YLPM1: variants seen among roughly 807,000 people sequenced by gnomAD.
YLPM1 encodes YLP motif containing 1.
A neutral mutation model predicts 230.0 loss-of-function variants in YLPM1; 99 were observed. The observed-to-expected ratio is 0.43, with a 90% CI of 0.37 to 0.51. The LOEUF is 0.51. Ranked by LOEUF, YLPM1 falls within the 20% of genes least tolerant of loss-of-function variation. YLPM1 has a pLI of 0.00. For synonymous variants in YLPM1, 984 were observed against 942.5 expected (o/e 1.04, Z -0.81); for missense variants, 2,592 against 2,707.7 (o/e 0.96, Z 0.95).
At chr14:74,786,541 A>G (rs941165662) in intron 4 of YLPM1, among the ~76,000 whole-genome samples, 19 of 152,198 alleles carry the variant, frequency 1.2e-4, no homozygotes, top group African/African-American at 3.9e-4. Flanking sequence ...TGAGTGAAAT[A>G]ATACTGTATG....
intron 5 of YLPM1, among the ~76,000 whole-genome samples, chr14:74,801,237 C>T (rs751026459): frequency 3.3e-5 from 5 of 151,942 alleles, no homozygotes; most frequent in African/African-American, 1.2e-4. Flanking sequence ...ATGTCATAGC[C>T]GAATACAAGT....
chr14:74,781,398 A>T lies in YLPM1; in HGVS notation c.1355A>T (p.Tyr452Phe), dbSNP rs138920894. The T allele has an allele frequency of 2.0e-3, 3,138 of 1,596,498 alleles. 65 individuals are homozygous for T. The African/African-American group carries it at 0.037, about 19-fold the overall frequency. ...EMQQQQFQHL[Y>F]QEWEREFQLW... Reference sequence around the variant, plus strand: ...CAGCAGCAACAGTTTCAACATCTTTACCAAGAATGGGAGCGAGAGTTTCAG... The same window carrying T: ...CAGCAGCAACAGTTTCAACATCTTTTCCAAGAATGGGAGCGAGAGTTTCAG... The change falls in exon 4 of 21, where the codon TAC becomes TTC. Residue 452 changes from tyrosine to phenylalanine, a missense_variant. Physicochemically the swap from Tyr to Phe is conservative, Grantham distance 22. This residue lies in a region of YLPM1 where 1,862 missense variants were observed against 1,819.8 expected (regional missense o/e 1.02). Coordinates refer to ENST00000325680, the MANE Select transcript of YLPM1 (RefSeq NM_019589.3).
intron 6 of YLPM1, among the ~76,000 whole-genome samples, chr14:74,807,250 G>A (rs955348196): frequency 1.6e-4 from 24 of 151,916 alleles, no homozygotes; most frequent in Admixed American, 5.2e-4. Context: ...CTAAAATAGC[G>A]TCAATAAAGA....
intron 4 of YLPM1, among the ~76,000 whole-genome samples, chr14:74,789,088 C>T (rs1008682361): frequency 1.3e-5 from 2 of 152,134 alleles, no homozygotes; most frequent in African/African-American, 4.8e-5. Flanking sequence ...GAGTTTGTTT[C>T]TGGACTCTCC....
intron 4 of YLPM1, among the ~76,000 whole-genome samples, chr14:74,783,178 C>T (rs1048864520): frequency 3.9e-5 from 6 of 152,152 alleles, no homozygotes; most frequent in Admixed American, 6.5e-5. Flanking sequence ...AGTCCTCCCA[C>T]CTCAGCCTCC....
intron 1 of YLPM1, among the ~76,000 whole-genome samples, chr14:74,772,362 T>A (rs1367605183): frequency 2.0e-5 from 3 of 150,698 alleles, no homozygotes; most frequent in Middle Eastern, 6.9e-3. Flanking sequence ...ATTCTTAATT[T>A]TTTTTTTTTT....
chr14:74,807,453 GAGA>G (rs2091391135), intron 6 of YLPM1, among the ~76,000 whole-genome samples: 1 of 152,112 alleles, frequency 6.6e-6, no homozygotes, highest in Non-Finnish European at 1.5e-5. Flanking sequence ...AGGCTGAAGC[GAGA>G]AGATTACTTG....
At chr14:74,816,754 G>T in intron 13 of YLPM1, 64 bp downstream of exon 13, 1 of 1,527,198 alleles carries the variant, frequency 6.5e-7, no homozygotes, top group South Asian at 1.3e-5. Flanking sequence ...AATGTGTTTG[G>T]AGAGAAATGT....
intron 6 of YLPM1, among the ~76,000 whole-genome samples, chr14:74,805,121 G>A (rs1280448253): frequency 6.6e-6 from 1 of 151,252 alleles, no homozygotes; most frequent in Non-Finnish European, 1.5e-5. Flanking sequence ...TTGGGTTTAA[G>A]CGATTCTCCT....
chr14:74,772,863 A>C (rs976408883), intron 1 of YLPM1, among the ~76,000 whole-genome samples: 3 of 152,206 alleles, frequency 2.0e-5, no homozygotes, highest in African/African-American at 4.8e-5. Flanking sequence ...CACTTCTCTT[A>C]GGGTCAGTAA....
At chr14:74,821,027 CTTTT>C (rs750279167) in intron 16 of YLPM1, 26 bp from the exon 17 acceptor site, 25,845 of 1,313,398 alleles carry the variant, frequency 0.02, 113 homozygotes, top group Middle Eastern at 0.034. Flanking sequence ...TTAACTCAGT[CTTTT>C]TTTTTTTTTT....
At chr14:74,783,400 A>C (rs2091115000) in intron 4 of YLPM1, among the ~76,000 whole-genome samples, 1 of 152,164 alleles carries the variant, frequency 6.6e-6, no homozygotes, top group Non-Finnish European at 1.5e-5. Flanking sequence ...AAAATACTTT[A>C]ATCAGTTTTT....
rs368687638 is a variant in YLPM1 at position 74,788,303 on chromosome 14, G to C, written c.2282+5978G>C. 2.6e-5 allele frequency among the ~76,000 whole-genome samples: 4 copies of C among 151,998 alleles called. No individual in the cohort carries two copies. In the East Asian group the frequency reaches 7.7e-4, roughly 29 times the overall value. On this transcript the variant is annotated intron_variant, in intron 4 of 20. Transcript: ENST00000325680. ...GCCTGGCTAATTTTTTGCATTTTTAGTAGAGACGGGGTTTCACCGTGTTAG... is the reference window on the plus strand; with the variant it reads ...GCCTGGCTAATTTTTTGCATTTTTACTAGAGACGGGGTTTCACCGTGTTAG...
intron 18 of YLPM1, chr14:74,828,006 CA>C: frequency 6.1e-6 from 6 of 985,200 alleles, no homozygotes; most frequent in Non-Finnish European, 6.0e-6. Context: ...ACTGATTTTT[CA>C]ATGATAATCA....
chr14:74,778,386 C>T lies in YLPM1; in HGVS notation c.874-61C>T, dbSNP rs562395548. 4.1e-6 allele frequency: 6 copies of T among 1,451,414 alleles called. No homozygotes were observed. The African/African-American group carries it at 7.1e-5, about 17-fold the overall frequency. The allele number at this position is 1,451,414 out of a possible 1,614,324, so 89.9% of individuals were successfully genotyped here. A position where few individuals can be genotyped will look rare whatever the true frequency, so the allele number is the denominator to read the frequency against. On this transcript the variant is annotated intron_variant, in intron 1 of 20. Coordinates refer to ENST00000325680, the MANE Select transcript of YLPM1 (RefSeq NM_019589.3). Reference sequence around the variant, plus strand: ...AGACATAAAGATAGGTCCTTGTCAACACCAAGTTGCAGAGATACATGATTG... The same window carrying T: ...AGACATAAAGATAGGTCCTTGTCAATACCAAGTTGCAGAGATACATGATTG...
rs1380743897 is a variant in YLPM1 at position 74,764,072 on chromosome 14, C to G, written c.583C>G (p.Pro195Ala). 3 of 1,613,296 alleles carry G rather than the reference C, an allele frequency of 1.9e-6. No individual in the cohort carries two copies. Among genetic ancestry groups the G allele is most frequent in the Middle Eastern group, 1.6e-4 (1 of 6,062 alleles). Reference protein sequence around the residue: ...PPAQPSPSQSPPSQSYLAPTP... With the variant: ...PPAQPSPSQSAPSQSYLAPTP... ...TGCTCAGCCGTCCCCTTCGCAGTCC[C>G]CACCTTCCCAATCCTACCTGGCGCC... Residue 195 changes from proline (P) to alanine (A), a missense_variant, in exon 1 of 21, where the codon CCA becomes GCA. Physicochemically the swap from Pro to Ala is conservative, Grantham distance 27. Around this residue, in one of 4 missense-constraint regions of YLPM1, gnomAD observed 1,862 missense variants for 1,819.8 expected, o/e 1.02. Coordinates refer to ENST00000325680, the MANE Select transcript of YLPM1 (RefSeq NM_019589.3).
At chr14:74,811,138 T>A (rs2091430422) in intron 9 of YLPM1, among the ~76,000 whole-genome samples, 1 of 152,086 alleles carries the variant, frequency 6.6e-6, no homozygotes, top group African/African-American at 2.4e-5. Flanking sequence ...TCCCATGAAC[T>A]TCTTAGATGT....
At chr14:74,767,839 GA>G (rs2090928713) in intron 1 of YLPM1, among the ~76,000 whole-genome samples, 1 of 149,482 alleles carries the variant, frequency 6.7e-6, no homozygotes, top group Non-Finnish European at 1.5e-5. Context: ...TTTTGAATTA[GA>G]AGTTAACTCT....
chr14:74,777,722 C>T (rs2091056006), intron 1 of YLPM1, among the ~76,000 whole-genome samples: 1 of 152,042 alleles, frequency 6.6e-6, no homozygotes, highest in African/African-American at 2.4e-5. Flanking sequence ...CACCTGTAAT[C>T]CCAGCACTTT....
Sources: allele counts gnomAD v4.1 joint callset (sites outside exome capture counted in the v4.1 genomes callset), GRCh38; gene constraint gnomAD v4.1.1; regional missense constraint gnomAD v4.1.1; transcripts MANE v1.5; gene names NCBI Gene and HGNC (gene_info 2026-07-23, HGNC 2026-07-21).